The following THSD4 variants were observed in gnomAD, a reference collection of about 807,000 sequenced individuals.
THSD4 encodes thrombospondin type-1 domain-containing protein 4.
A neutral mutation model predicts 119.0 loss-of-function variants in THSD4; 69 were observed. The observed-to-expected ratio is 0.58, with a 90% CI of 0.48 to 0.71. THSD4 has a LOEUF of 0.71. Ranked by LOEUF, THSD4 falls within the 30% of genes least tolerant of loss-of-function variation. The pLI is 0.00. For missense variants in THSD4, 1,393 were observed against 1,391.1 expected, an observed-to-expected ratio of 1.00 and a Z score of -0.02; for synonymous variants, 524 against 540.4, an observed-to-expected ratio of 0.97 and a Z score of 0.42.
chr15:71,188,805 G>C (rs376762079), intron 3 of THSD4: 19 of 152,602 alleles, frequency 1.2e-4, no homozygotes, highest in African/African-American at 4.6e-4. Flanking sequence ...AAAACAAAAG[G>C]ATACACTTAC....
At position 71,219,532 on chromosome 15, in the gene THSD4, T is replaced by C. The variant is rs2043958799; in HGVS notation, c.464+4133T>C. ...GTAGGTCAGTTATATGTTCTACGTT[T>C]CTTCATTTTAAATGCTTCTGATATA... On this transcript the variant is annotated intron_variant, in intron 4 of 17. Coordinates refer to ENST00000261862, the MANE Select transcript of THSD4 (RefSeq NM_024817.3). Among the ~76,000 whole-genome samples, 3 of 152,200 alleles carry C rather than the reference T, an allele frequency of 2.0e-5. No individual in the cohort carries two copies. In the South Asian group the frequency reaches 6.2e-4, roughly 32 times the overall value.
chr15:71,209,072 C>T (rs571682229), intron 3 of THSD4, among the ~76,000 whole-genome samples: 2 of 152,256 alleles, frequency 1.3e-5, no homozygotes, highest in South Asian at 2.1e-4. Context: ...CCCTGACACC[C>T]ACCTCACCCC....
intron 8 of THSD4, among the ~76,000 whole-genome samples, chr15:71,726,276 C>T (rs1195933999): frequency 6.6e-6 from 1 of 152,176 alleles, no homozygotes; most frequent in African/African-American, 2.4e-5. Flanking sequence ...AGGGGGAGCC[C>T]AGCTGGAGTT....
chr15:71,460,215 C>T (rs771545544), intron 7 of THSD4, among the ~76,000 whole-genome samples: 2 of 151,752 alleles, frequency 1.3e-5, no homozygotes, highest in Admixed American at 6.6e-5. Context: ...TGTTCTGAGC[C>T]GACTCACTAA....
At chr15:71,542,055 A>G (rs1266796883) in intron 7 of THSD4, among the ~76,000 whole-genome samples, 3 of 152,250 alleles carry the variant, frequency 2.0e-5, no homozygotes, top group Non-Finnish European at 4.4e-5. Flanking sequence ...AGGAGTAAAA[A>G]TAAATGTTTG....
intron 6 of THSD4, among the ~76,000 whole-genome samples, chr15:71,316,562 A>G (rs1308189496): frequency 5.9e-5 from 9 of 152,134 alleles, no homozygotes; most frequent in Admixed American, 5.9e-4. Context: ...TAAATATACT[A>G]CACACCAACC....
At position 71,633,455 on chromosome 15, in the gene THSD4, C is replaced by T. The variant is rs188479365; in HGVS notation, c.1153-27075C>T. Among the ~76,000 whole-genome samples, 493 of 151,800 alleles carry T rather than the reference C, an allele frequency of 3.2e-3. 2 individuals are homozygous for T. Among genetic ancestry groups the T allele is most frequent in the African/African-American group, 0.011 (466 of 41,470 alleles). The stretch of plus-strand genomic sequence containing the variant: ...CATGCTGGCTTATTTTTGTATTTTT[C>T]GTAGAGATGGAGTTTTGCCATGTTG... On this transcript the variant is annotated intron_variant, in intron 7 of 17. Coordinates refer to ENST00000261862, the MANE Select transcript of THSD4 (RefSeq NM_024817.3).
At chr15:71,647,896 G>C (rs906065910) in intron 7 of THSD4, among the ~76,000 whole-genome samples, 21 of 152,176 alleles carry the variant, frequency 1.4e-4, no homozygotes, top group African/African-American at 5.1e-4. Context: ...TCGTGGGAGG[G>C]GAGGCCTCGG....
intron 8 of THSD4, among the ~76,000 whole-genome samples, chr15:71,685,411 T>C (rs1365052867): frequency 6.6e-6 from 1 of 152,166 alleles, no homozygotes; most frequent in Non-Finnish European, 1.5e-5. Flanking sequence ...TTGAGAATTT[T>C]ATATTACTTT....
At chr15:71,243,233 T>A in intron 5 of THSD4, 137 bp downstream of exon 5, 2 of 886,868 alleles carry the variant, frequency 2.3e-6, no homozygotes, top group Non-Finnish European at 3.4e-6. Context: ...TCCTCCTTTC[T>A]CTTTGCTTTC....
intron 6 of THSD4, among the ~76,000 whole-genome samples, chr15:71,341,957 A>G (rs2045584035): frequency 6.6e-6 from 1 of 152,196 alleles, no homozygotes; most frequent in African/African-American, 2.4e-5. Context: ...GAAAGCCAAG[A>G]AGACAGTAAA....
In THSD4 at chr15:71,780,931, C is replaced by G. The variant is rs953145879; in HGVS notation, c.*3557C>G. 2.1e-5 allele frequency: 8 copies of G among 380,240 alleles called. No homozygotes were observed. The highest frequency in any genetic ancestry group is 4.7e-4 in the Middle Eastern group (1 of 2,118). The allele number at this position is 380,240 out of a possible 1,614,324, so 23.6% of individuals were successfully genotyped here. ...AAATCCAGATATTACCAGGACCTGT[C>G]TAAACAAATGTTGTGGGTTTTCTTT... On this transcript the variant is annotated 3_prime_UTR_variant, in exon 18 of 18. Coordinates refer to ENST00000261862, the MANE Select transcript of THSD4 (RefSeq NM_024817.3).
At chr15:71,325,465 G>A (rs991276370) in intron 6 of THSD4, among the ~76,000 whole-genome samples, 3 of 152,214 alleles carry the variant, frequency 2.0e-5, no homozygotes, top group Non-Finnish European at 2.9e-5. Flanking sequence ...TGACAGCCCA[G>A]TGGAAGGAAG....
rs1260695204 is a variant in THSD4 at position 71,115,961 on chromosome 15, T to C, written c.-80+263T>C. On this transcript the variant is annotated intron_variant, in intron 1 of 17. Coordinates refer to ENST00000261862, the MANE Select transcript of THSD4 (RefSeq NM_024817.3). The surrounding 1 kb of genome is among the most constrained non-coding windows in gnomAD (Gnocchi z 4.4). Reference sequence around the variant, plus strand: ...TCTTGCTCTGTGCTGGCGCCGGCGCTCATCCCTCCACCCTCGACTCTAGGG... The same window carrying C: ...TCTTGCTCTGTGCTGGCGCCGGCGCCCATCCCTCCACCCTCGACTCTAGGG... 6.6e-6 allele frequency among the ~76,000 whole-genome samples: 1 copy of C among 152,152 alleles called. No homozygotes were observed. Among genetic ancestry groups the C allele is most frequent in the African/African-American group, 2.4e-5 (1 of 41,434 alleles).
chr15:71,402,668 C>T (rs540967180), intron 6 of THSD4, among the ~76,000 whole-genome samples: 185 of 152,188 alleles, frequency 1.2e-3, no homozygotes, highest in African/African-American at 4.1e-3. Context: ...TGGAGCTGTC[C>T]CTGGAGAGGA....
chr15:71,504,937 A>T (rs933445596), intron 7 of THSD4, among the ~76,000 whole-genome samples: 2 of 152,074 alleles, frequency 1.3e-5, no homozygotes, highest in Non-Finnish European at 2.9e-5. Context: ...TGCCCTTGAC[A>T]GTTTTGAAGA....
intron 8 of THSD4, among the ~76,000 whole-genome samples, chr15:71,724,287 ATT>A (rs1555445828): frequency 5.4e-5 from 2 of 37,290 alleles, no homozygotes; most frequent in African/African-American, 1.3e-4. Context: ...ATATATATAT[ATT>A]TTTTTTTTCC....
rs528232529 is a variant in THSD4, at chr15:71,144,197, G to A, written c.29+2641G>A. 5.9e-5 allele frequency among the ~76,000 whole-genome samples: 9 copies of A among 152,280 alleles called. No individual in the cohort carries two copies. In the South Asian group the frequency reaches 1.7e-3, roughly 28 times the overall value. ...TATGAGGACAGCTGATTCTTTAGGA[G>A]ATCTCAGCTTGAGATTCCCATCAAA... On this transcript the variant is annotated intron_variant, in intron 2 of 17. Coordinates refer to ENST00000261862, the MANE Select transcript of THSD4 (RefSeq NM_024817.3).
chr15:71,223,225 G>A (rs982403153), intron 4 of THSD4, among the ~76,000 whole-genome samples: 4 of 152,274 alleles, frequency 2.6e-5, no homozygotes, highest in South Asian at 2.1e-4. Flanking sequence ...TCAAGGTCAC[G>A]CAGAAGGCAA....
Sources: allele counts gnomAD v4.1 joint callset (sites outside exome capture counted in the v4.1 genomes callset), GRCh38; gene constraint gnomAD v4.1.1; non-coding constraint Gnocchi (gnomAD v3.1); transcripts MANE v1.5; gene names NCBI Gene and HGNC (gene_info 2026-07-23, HGNC 2026-07-21).